USP34: variants seen among roughly 807,000 people sequenced by gnomAD.
The protein encoded by USP34 is ubiquitin specific peptidase 34, also known as ubiquitin carboxyl-terminal hydrolase 34.
Under a neutral mutation model 460.3 loss-of-function variants are expected in USP34, and 70 were observed. The observed-to-expected ratio is 0.15, with a 90% confidence interval of 0.13 to 0.19. The LOEUF (loss-of-function observed/expected upper bound fraction) is 0.19. Ranked by LOEUF, USP34 falls within the 10% of genes least tolerant of loss-of-function variation. The probability of loss-of-function intolerance (pLI) is 1.00; values close to 1 mark genes in which losing one functional copy is unlikely to be tolerated. For synonymous variants in USP34, 1,647 were observed against 1,405.3 expected, an observed-to-expected ratio of 1.17 and a Z score of -3.85; for missense variants, 3,985 against 4,236.2, an observed-to-expected ratio of 0.94 and a Z score of 1.65.
At chr2:61,263,354 A>AT in intron 43 of USP34, among the ~76,000 whole-genome samples, 1 of 150,218 alleles carries the variant, frequency 6.7e-6, no homozygotes, top group African/African-American at 2.4e-5. Flanking sequence ...TAATTTTCAT[A>AT]TTTTTTAGAG....
In USP34 at chr2:61,283,434, C is replaced by T; in HGVS notation, c.4848G>A (p.Gln1616=). Residue 1616 remains glutamine (Q), a synonymous_variant, in exon 36 of 80, where the codon CAG becomes CAA. Coordinates refer to ENST00000398571, the MANE Select transcript of USP34 (RefSeq NM_014709.4). ...CTTCATGTCTAGACCTGTGATCAGA[C>T]TGAGCTTTTAAAACTCTGTAAAGTA... ...DNLAPRVLKA[Q]SDHRSRHEVS... 1 of 1,606,628 alleles carries T rather than the reference C, an allele frequency of 6.2e-7. No individual in the cohort carries two copies. Among genetic ancestry groups the T allele is most frequent in the Non-Finnish European group, 8.5e-7 (1 of 1,177,326 alleles).
intron 37 of USP34, among the ~76,000 whole-genome samples, chr2:61,282,027 T>C (rs560348066): frequency 6.6e-6 from 1 of 152,338 alleles, no homozygotes; most frequent in Non-Finnish European, 1.5e-5. Context: ...TCTTGCTCTG[T>C]CTTCCAGGCT....
chr2:61,201,247 C>T (rs1391140110), intron 75 of USP34, among the ~76,000 whole-genome samples: 5 of 130,700 alleles, frequency 3.8e-5, no homozygotes, highest in African/African-American at 8.7e-5. Flanking sequence ...GACTGGGTCT[C>T]GCTTAGTCAC....
At chr2:61,468,449 T>G (rs1156315072) in intron 1 of USP34, among the ~76,000 whole-genome samples, 1 of 152,202 alleles carries the variant, frequency 6.6e-6, no homozygotes, top group African/African-American at 2.4e-5. Context: ...TCGCAAAGTG[T>G]TGGGATTACA....
chr2:61,305,256 G>C (rs1251060655), intron 27 of USP34, among the ~76,000 whole-genome samples: 2 of 152,038 alleles, frequency 1.3e-5, no homozygotes, highest in Non-Finnish European at 2.9e-5. Context: ...CCCAAAGGCG[G>C]AGGTTGCACT....
rs1695658674 is a variant in USP34 at position 61,463,209 on chromosome 2, C to A, written c.43+7441G>T. ...AAGATTCTCAGCCGGGTACAGCATA[C>A]CCCAACACTTTGGGAGGCTGAGGCA... On this transcript the variant is annotated intron_variant, in intron 1 of 79. Transcript: ENST00000398571. Among the ~76,000 whole-genome samples the A allele has an allele frequency of 3.3e-5, 5 of 151,716 alleles. No individual in the cohort carries two copies. The South Asian group carries it at 1.0e-3, about 32-fold the overall frequency.
intron 41 of USP34, among the ~76,000 whole-genome samples, chr2:61,267,976 G>T (rs189050780): frequency 1.3e-5 from 2 of 150,978 alleles, no homozygotes; most frequent in Non-Finnish European, 3.0e-5. Flanking sequence ...GGCTGGTCTC[G>T]GCCTCCTGAC....
intron 16 of USP34, 51 bp from the exon 17 acceptor site, chr2:61,339,732 G>A (rs1691528845): frequency 9.1e-6 from 9 of 984,628 alleles, no homozygotes; most frequent in Non-Finnish European, 1.3e-5. Flanking sequence ...GCAGCTGACT[G>A]ATTATAGCAT....
chr2:61,243,555 TTCA>T (rs1206309784), intron 51 of USP34, among the ~76,000 whole-genome samples: 1 of 104,650 alleles, frequency 9.6e-6, no homozygotes, highest in African/African-American at 3.9e-5. Flanking sequence ...CTCTTCTTCC[TTCA>T]TTTTTTTTTT....
Position 61,394,916 on chromosome 2 carries a change from T to C in USP34, c.690A>G (p.Glu230=), listed in dbSNP as rs1486796297. ...NGLSLMKDCF[E]YGTPETLPFL... ...ATGGCAAAGTTTCAGGAGTTCCATA[T>C]TCAAAGCAATCCTTCATGAGAGAAA... The change falls in exon 5 of 80, where the codon GAA becomes GAG. Residue 230 remains glutamate, a synonymous_variant. Transcript: ENST00000398571. 1.9e-6 allele frequency: 3 copies of C among 1,605,732 alleles called. No homozygotes were observed. In the East Asian group the frequency reaches 6.8e-5, roughly 36 times the overall value.
chr2:61,197,246 G>A (rs908232268), intron 75 of USP34, among the ~76,000 whole-genome samples: 3 of 152,180 alleles, frequency 2.0e-5, no homozygotes, highest in Non-Finnish European at 4.4e-5. Context: ...ACTCCAGCCT[G>A]GGGGACAGAG....
At chr2:61,290,062 AAAG>A (rs1331863115) in intron 33 of USP34, among the ~76,000 whole-genome samples, 1 of 152,184 alleles carries the variant, frequency 6.6e-6, no homozygotes. Context: ...ACATTTCACA[AAAG>A]AAGATAAACA....
At chr2:61,434,473 G>A (rs536859838) in intron 1 of USP34, among the ~76,000 whole-genome samples, 49 of 152,300 alleles carry the variant, frequency 3.2e-4, no homozygotes, top group African/African-American at 1.1e-3. Flanking sequence ...CAGAGTAACA[G>A]TCCTGTGGCT....
At chr2:61,318,005 C>A (rs1327856153) in intron 22 of USP34, among the ~76,000 whole-genome samples, 1 of 151,744 alleles carries the variant, frequency 6.6e-6, no homozygotes, top group Non-Finnish European at 1.5e-5. Flanking sequence ...CCAGCCTGGG[C>A]AACATGGCGA....
In USP34 at chr2:61,214,098, A is replaced by C; in HGVS notation, c.8644T>G (p.Phe2882Val). 6.2e-7 allele frequency: 1 copy of C among 1,614,246 alleles called. No individual in the cohort carries two copies. Among genetic ancestry groups the C allele is most frequent in the Non-Finnish European group, 8.5e-7 (1 of 1,180,044 alleles). ...CTGGCATGTGGTGTAAGATTCTTAA[A>C]GGCCCACTGGATGTTCTGGTGAGAA... is the stretch of plus-strand genomic sequence containing the variant. ...LASHQNIQWA[F>V]KNLTPHASQY... The change falls in exon 68 of 80, where the codon TTT becomes GTT. Residue 2882 changes from phenylalanine (F) to valine (V), a missense_variant. Phe to Val is a conservative substitution (Grantham distance 50). Coordinates refer to ENST00000398571, the MANE Select transcript of USP34 (RefSeq NM_014709.4).
In USP34 at chr2:61,206,781, G is replaced by C. The variant is rs908991149; in HGVS notation, c.9025C>G (p.Arg3009Gly). 11 of 1,613,530 alleles carry C rather than the reference G, an allele frequency of 6.8e-6. No individual in the cohort carries two copies. The Admixed American group carries it at 1.7e-4, about 24-fold the overall frequency. ...AAACCTTTTCTCTGAAGATAAGGGC[G>C]TGTAGACTTCAAAACCGAAAGAAAT... ...SIFLSVLKST[R>G]PYLQRKDVKQ... The change falls in exon 71 of 80, where the codon CGC becomes GGC. Residue 3009 changes from arginine to glycine, a missense_variant. Around this residue, in one of 14 missense-constraint regions of USP34, gnomAD observed 275 missense variants for 292.7 expected, o/e 0.94. Coordinates refer to ENST00000398571, the MANE Select transcript of USP34 (RefSeq NM_014709.4).
intron 4 of USP34, 69 bp from the exon 5 acceptor site, chr2:61,395,071 A>G (rs1693474886): frequency 6.7e-7 from 1 of 1,486,382 alleles, no homozygotes; most frequent in Admixed American, 2.3e-5. Context: ...GCAATACTGG[A>G]AAGATACTGA....
At chr2:61,271,396 A>G (rs1450913779) in intron 41 of USP34, among the ~76,000 whole-genome samples, 2 of 152,244 alleles carry the variant, frequency 1.3e-5, no homozygotes, top group Non-Finnish European at 2.9e-5. Flanking sequence ...AAGTATAAAT[A>G]TCATGAGCAG....
intron 16 of USP34, among the ~76,000 whole-genome samples, chr2:61,341,648 G>A (rs1341076139): frequency 1.3e-5 from 2 of 151,692 alleles, no homozygotes; most frequent in Non-Finnish European, 2.9e-5. Context: ...AGCTTCCTGT[G>A]GCCCTCACCA....
Sources: gnomAD v4.1 joint callset for allele counts (sites outside exome capture counted in the v4.1 genomes callset) on GRCh38, gnomAD v4.1.1 for gene constraint, gnomAD v4.1.1 regional missense constraint, MANE v1.5 for transcripts, NCBI Gene and HGNC (gene_info 2026-07-23, HGNC 2026-07-21) for gene names.